The following ACLY variants were observed in gnomAD, a reference collection of about 807,000 sequenced individuals.
ACLY encodes the protein ATP citrate lyase.
In ACLY, 41 loss-of-function variants were observed where a neutral mutation model predicts 133.0. The observed-to-expected ratio is 0.31, with a 90% confidence interval of 0.24 to 0.40. The LOEUF (loss-of-function observed/expected upper bound fraction) is 0.40, where lower values mean the gene tolerates loss of function less well. ACLY is among the 10% of genes least tolerant of loss of function. ACLY has a pLI of 1.00. For synonymous variants in ACLY, 495 were observed against 549.3 expected (o/e 0.90, Z 1.38); for missense variants, 1,046 against 1,453.8 (o/e 0.72, Z 4.56).
intron 18 of ACLY, among the ~76,000 whole-genome samples, chr17:41,884,936 G>A (rs1183043042): frequency 6.6e-6 from 1 of 152,180 alleles, no homozygotes; most frequent in Non-Finnish European, 1.5e-5. Context: ...GTGGTGCGAT[G>A]TTGGTGCACT....
In ACLY at chr17:41,909,462, G is replaced by A. The variant is rs782267754; in HGVS notation, c.536+48C>T. 11 of 1,587,746 alleles carry A rather than the reference G, an allele frequency of 6.9e-6. No homozygotes were observed. The East Asian group carries it at 9.0e-5, about 13-fold the overall frequency. On this transcript the variant is annotated intron_variant, in intron 5 of 28. Coordinates refer to ENST00000352035, the MANE Select transcript of ACLY (RefSeq NM_001096.3). ...CCCCAGTCTGTGCCCAGAGCCTGTC[G>A]GTCTTCTCATCCGAACTGCCACCTC...
chr17:41,883,995 G>A (rs1231187610), intron 19 of ACLY, among the ~76,000 whole-genome samples, 198 bp downstream of exon 19: 5 of 152,044 alleles, frequency 3.3e-5, no homozygotes, highest in Non-Finnish European at 5.9e-5. Context: ...TGGGATGCTG[G>A]GAGATTAAGA....
Position 41,907,339 on chromosome 17 carries a change from C to A in ACLY, c.747+103G>T, listed in dbSNP as rs2049749749. ...ATGCTTCTCAGTCTTCCTTTCCCTG[C>A]CAAATAAACAGCTCATGAAGGGGGG... On this transcript the variant is annotated intron_variant, in intron 7 of 28. Transcript: ENST00000352035. 4.6e-6 allele frequency: 5 copies of A among 1,089,340 alleles called. No homozygotes were observed. The Admixed American group carries it at 6.8e-5, about 15-fold the overall frequency. The allele number at this position is 1,089,340 out of a possible 1,614,324, so 67.5% of individuals were successfully genotyped here. A position where few individuals can be genotyped will look rare whatever the true frequency, so the allele number is the denominator to read the frequency against.
chr17:41,927,056 C>T (rs2050252242), intron 1 of ACLY, among the ~76,000 whole-genome samples: 1 of 152,060 alleles, frequency 6.6e-6, no homozygotes, highest in South Asian at 2.1e-4. Flanking sequence ...TTAGTAGAGA[C>T]AGGGTTTCTC....
exon 1 of ACLY, chr17:41,930,432 C>G (rs1444951527): frequency 6.0e-6 from 2 of 334,556 alleles, no homozygotes; most frequent in Admixed American, 4.4e-5. Context: ...TACAAGGGAG[C>G]CTTTTCAGGC....
chr17:41,922,235 C>T (rs996832237), upstream of ACLY, among the ~76,000 whole-genome samples: 3 of 150,202 alleles, frequency 2.0e-5, no homozygotes, highest in Admixed American at 6.6e-5. Flanking sequence ...AAAAAATAGC[C>T]GGGCATGGTG....
chr17:41,875,265 G>A (rs1354894792), intron 22 of ACLY, among the ~76,000 whole-genome samples: 2 of 149,564 alleles, frequency 1.3e-5, no homozygotes, highest in African/African-American at 2.5e-5. Flanking sequence ...CAGGAGAATC[G>A]CTTGAATCTG....
chr17:41,885,582 CAATA>C (rs1367573176), intron 18 of ACLY, among the ~76,000 whole-genome samples: 3 of 152,208 alleles, frequency 2.0e-5, no homozygotes, highest in Admixed American at 1.3e-4. Flanking sequence ...TTATTAACTA[CAATA>C]AAAACTCACT....
chr17:41,901,872 A>C, intron 10 of ACLY, 59 bp from the exon 11 acceptor site: 1 of 1,312,164 alleles, frequency 7.6e-7, no homozygotes. Flanking sequence ...AATGATTTAT[A>C]ACCGTGATAA....
chr17:41,900,908 C>T (rs186008316), intron 11 of ACLY, among the ~76,000 whole-genome samples: 3 of 151,972 alleles, frequency 2.0e-5, no homozygotes, highest in East Asian at 1.9e-4. Flanking sequence ...GTCACCATGG[C>T]GCTGCTCCCT....
Position 41,898,671 on chromosome 17 carries a change from T to C in ACLY, c.1298A>G (p.His433Arg), listed in dbSNP as rs1555630895. Reference protein sequence around the residue: ...PIPNQPPTAAHTANFLLNASG... With the variant: ...PIPNQPPTAARTANFLLNASG... ...GGCGTTGAGGAGGAAGTTTGCAGTG[T>C]GGGCCGCTGTGGGTGGCTGGTTGGG... Residue 433 changes from histidine to arginine, a missense_variant, in exon 12 of 29, where the codon CAC becomes CGC. Physicochemically the swap from His to Arg is conservative, Grantham distance 29. This residue lies in a region of ACLY where 575 missense variants were observed against 804.2 expected (regional missense o/e 0.71). Coordinates refer to ENST00000352035, the MANE Select transcript of ACLY (RefSeq NM_001096.3). 1.2e-6 allele frequency: 2 copies of C among 1,613,830 alleles called. No homozygotes were observed. Among genetic ancestry groups the C allele is most frequent in the South Asian group, 1.1e-5 (1 of 91,000 alleles).
chr17:41,903,018 A>C (rs955025731), intron 10 of ACLY, among the ~76,000 whole-genome samples: 11 of 152,076 alleles, frequency 7.2e-5, no homozygotes, highest in Non-Finnish European at 1.5e-5. Flanking sequence ...TGAACTTCTG[A>C]GCTCAAGTGA....
upstream of ACLY, among the ~76,000 whole-genome samples, chr17:41,920,505 C>T (rs1477069838): frequency 2.0e-5 from 3 of 149,770 alleles, no homozygotes; most frequent in Admixed American, 6.8e-5. Context: ...GCATGAGAAT[C>T]GCTTAAACCC....
intron 22 of ACLY, among the ~76,000 whole-genome samples, chr17:41,874,922 CAAAAAAAAAA>C (rs76281431): frequency 1.1e-4 from 14 of 128,156 alleles, no homozygotes; most frequent in Non-Finnish European, 1.6e-4. Context: ...TGTGTTATAG[CAAAAAAAAAA>C]AAAAAAAAAT....
intron 18 of ACLY, 64 bp from the exon 19 acceptor site, chr17:41,884,338 G>C (rs1597990013): frequency 1.8e-6 from 2 of 1,085,046 alleles, no homozygotes; most frequent in East Asian, 4.7e-5. Flanking sequence ...TGTGTACAGG[G>C]TTAGGAAGCA....
Position 41,868,792 on chromosome 17 carries a change from C to T in ACLY, c.3135-7G>A. On this transcript the variant is annotated splice_polypyrimidine_tract_variant and splice_region_variant and intron_variant, in intron 27 of 28. Transcript: ENST00000352035. ...ATATTCATCAGCTTCCTCCCTGCAA[C>T]ACACATCAACTTGTAGTTTTAAAAG... 6.2e-7 allele frequency: 1 copy of T among 1,613,710 alleles called. No individual in the cohort carries two copies. The highest frequency in any genetic ancestry group is 8.5e-7 in the Non-Finnish European group (1 of 1,179,804).
At chr17:41,926,424 C>G (rs1349200447) in intron 1 of ACLY, among the ~76,000 whole-genome samples, 1 of 152,224 alleles carries the variant, frequency 6.6e-6, no homozygotes, top group East Asian at 1.9e-4. Flanking sequence ...AGGGTGTTGT[C>G]AAGCTCACAG....
chr17:41,917,643 C>G (rs1252086036), intron 1 of ACLY, among the ~76,000 whole-genome samples: 6 of 152,056 alleles, frequency 3.9e-5, no homozygotes, highest in African/African-American at 1.2e-4. Flanking sequence ...TTGGGACTTA[C>G]GTATGTAGGT....
chr17:41,918,223 G>C (rs1452947416), intron 1 of ACLY, among the ~76,000 whole-genome samples: 1 of 152,220 alleles, frequency 6.6e-6, no homozygotes, highest in Non-Finnish European at 1.5e-5. Flanking sequence ...CTGTCACTTA[G>C]GGGCTGGACT....
Sources: allele counts gnomAD v4.1 joint callset (sites outside exome capture counted in the v4.1 genomes callset), GRCh38; gene constraint gnomAD v4.1.1; regional missense constraint gnomAD v4.1.1; transcripts MANE v1.5; gene names NCBI Gene and HGNC (gene_info 2026-07-23, HGNC 2026-07-21).